UBASH3A: variants seen among roughly 807,000 people sequenced by gnomAD.
UBASH3A encodes the protein ubiquitin associated and SH3 domain containing A, also known as ubiquitin-associated and SH3 domain-containing protein A.
UBASH3A carries 63 observed loss-of-function variants against 73.5 expected under a neutral mutation model. The observed-to-expected ratio is 0.86, with a 90% CI of 0.70 to 1.06. The LOEUF is 1.06. Ranked by LOEUF, UBASH3A falls within the 50% of genes least tolerant of loss-of-function variation. The pLI, the probability that UBASH3A is intolerant of heterozygous loss-of-function variation, is 0.00. For missense variants in UBASH3A, 860 were observed against 859.0 expected, an observed-to-expected ratio of 1.00 and a Z score of -0.02; for synonymous variants, 363 against 351.1, an observed-to-expected ratio of 1.03 and a Z score of -0.38.
Position 42,440,171 on chromosome 21 carries a change from A to G in UBASH3A, c.1487-2281A>G, listed in dbSNP as rs150409974. On this transcript the variant is annotated intron_variant, in intron 11 of 14. Transcript: ENST00000319294. ...GCGATGTCCGCCTCTCCCTGTTCCC[A>G]TGCTCACAGCAGCAGGTCCAGCCTT... Among the ~76,000 whole-genome samples the G allele has an allele frequency of 7.6e-4, 116 of 152,294 alleles. 2 individuals are homozygous for G. The highest frequency in any genetic ancestry group is 4.6e-3 in the Admixed American group (70 of 15,300).
intron 6 of UBASH3A, among the ~76,000 whole-genome samples, chr21:42,416,979 C>A (rs2053225348): frequency 6.6e-6 from 1 of 151,924 alleles, no homozygotes; most frequent in Non-Finnish European, 1.5e-5. Context: ...AGCATGTACC[C>A]CCTGGAGCCC....
intron 6 of UBASH3A, 28 bp from the exon 7 acceptor site, chr21:42,418,373 A>G: frequency 6.3e-7 from 1 of 1,594,820 alleles, no homozygotes; most frequent in Non-Finnish European, 8.6e-7. Flanking sequence ...TTTGCTCGAG[A>G]CGTGAAACCC....
At position 42,411,245 on chromosome 21, in the gene UBASH3A, CAGAT is replaced by C. The variant is rs199743128; in HGVS notation, c.354+1641_354+1644del. Among the ~76,000 whole-genome samples, 1,361 of 151,996 alleles carry C rather than the reference CAGAT, an allele frequency of 9.0e-3. 19 individuals carry two copies. Among genetic ancestry groups the C allele is most frequent in the African/African-American group, 0.03 (1,261 of 41,412 alleles). On this transcript the variant is annotated intron_variant, in intron 3 of 14. Coordinates refer to ENST00000319294, the MANE Select transcript of UBASH3A (RefSeq NM_018961.4). ...GGATACAGACATACACAGACACACA[CAGAT>C]AGACACACATACACACTACATGTAC...
chr21:42,423,729 G>A (rs908006633), intron 7 of UBASH3A, among the ~76,000 whole-genome samples: 2 of 152,108 alleles, frequency 1.3e-5, no homozygotes, highest in African/African-American at 4.8e-5. Context: ...GACATTTCTG[G>A]GACTATTCTT....
intron 2 of UBASH3A, among the ~76,000 whole-genome samples, chr21:42,406,858 C>T (rs966303461): frequency 6.6e-5 from 10 of 152,198 alleles, no homozygotes; most frequent in African/African-American, 1.7e-4. Flanking sequence ...CAACTGCCTA[C>T]TACGATGGAT....
In UBASH3A at chr21:42,432,585, C is replaced by G. The variant is rs79382661; in HGVS notation, c.1270+383C>G. On this transcript the variant is annotated intron_variant, in intron 9 of 14. Coordinates refer to ENST00000319294, the MANE Select transcript of UBASH3A (RefSeq NM_018961.4). The stretch of plus-strand genomic sequence containing the variant: ...CAACCTCTGTATTGATGATCAATGT[C>G]CACATCAATGCTAATCTCCTAATAG... 9.1e-3 allele frequency among the ~76,000 whole-genome samples: 1,385 copies of G among 152,292 alleles called. 20 individuals carry two copies. Among genetic ancestry groups the G allele is most frequent in the African/African-American group, 0.031 (1,272 of 41,556 alleles).
intron 3 of UBASH3A, chr21:42,410,052 T>G (rs563482872): frequency 1.4e-5 from 10 of 701,494 alleles, no homozygotes; most frequent in Non-Finnish European, 2.6e-5. Context: ...AAATGTGTGG[T>G]AAGTCAACTC....
intron 5 of UBASH3A, among the ~76,000 whole-genome samples, chr21:42,414,520 C>G (rs1568914239): frequency 6.6e-6 from 1 of 152,164 alleles, no homozygotes; most frequent in Admixed American, 6.5e-5. Flanking sequence ...GTTTGTCCAC[C>G]AGGAACTTGG....
chr21:42,447,423 G>A lies in UBASH3A; in HGVS notation c.*229G>A, dbSNP rs533425784. 1 of 476,660 alleles carries A rather than the reference G, an allele frequency of 2.1e-6. No individual in the cohort carries two copies. The highest frequency in any genetic ancestry group is 2.0e-5 in the African/African-American group (1 of 50,322). 29.5% of individuals were successfully genotyped at this position (476,660 alleles called of 1,614,324 possible). ...CAGCTGCGGGGAGCACAGGGCAGGTGGCTGGGTGAGGATGCCGCCCTGCAG... is the reference window on the plus strand; with the variant it reads ...CAGCTGCGGGGAGCACAGGGCAGGTAGCTGGGTGAGGATGCCGCCCTGCAG... On this transcript the variant is annotated 3_prime_UTR_variant, in exon 15 of 15. Coordinates refer to ENST00000319294, the MANE Select transcript of UBASH3A (RefSeq NM_018961.4).
chr21:42,438,705 G>A (rs2053672888), intron 11 of UBASH3A, among the ~76,000 whole-genome samples: 2 of 152,156 alleles, frequency 1.3e-5, no homozygotes, highest in African/African-American at 2.4e-5. Flanking sequence ...GGTGAGTGCA[G>A]GAGAAAGGAG....
At chr21:42,433,466 T>A (rs962006975) in intron 9 of UBASH3A, among the ~76,000 whole-genome samples, 1 of 152,216 alleles carries the variant, frequency 6.6e-6, no homozygotes, top group Non-Finnish European at 1.5e-5. Context: ...TCTGCTCCCA[T>A]CAGGACCTGA....
chr21:42,447,483 C>T lies in UBASH3A; in HGVS notation c.*289C>T. On this transcript the variant is annotated 3_prime_UTR_variant, in exon 15 of 15. Transcript: ENST00000319294. ...CGAGTGTCTGCAGCTGGGGACACAA[C>T]TGCCCGGGACTCTAACTTCCAGGAA... The T allele has an allele frequency of 3.4e-6, 1 of 296,002 alleles. No homozygotes were observed. Among genetic ancestry groups the T allele is most frequent in the Non-Finnish European group, 6.2e-6 (1 of 161,044 alleles). The allele number at this position is 296,002 out of a possible 1,614,324, so 18.3% of individuals were successfully genotyped here.
At chr21:42,422,734 G>T (rs971955498) in intron 7 of UBASH3A, among the ~76,000 whole-genome samples, 5 of 152,114 alleles carry the variant, frequency 3.3e-5, no homozygotes, top group Admixed American at 1.3e-4. Context: ...ATTGATAAAT[G>T]AAAAAAATAA....
intron 1 of UBASH3A, among the ~76,000 whole-genome samples, chr21:42,405,247 C>G (rs1471322401): frequency 2.0e-5 from 3 of 152,098 alleles, no homozygotes; most frequent in Admixed American, 6.5e-5. Flanking sequence ...AGGGCGGCCA[C>G]CGGGCACCGT....
Position 42,409,402 on chromosome 21 carries a change from C to A in UBASH3A, c.168-20C>A. ...TTTTTGTTGTGACAGTGGGTGATGC[C>A]GGCTTGCTCTCTGTTGCAGGCTGCA... On this transcript the variant is annotated intron_variant, in intron 2 of 14. Coordinates refer to ENST00000319294, the MANE Select transcript of UBASH3A (RefSeq NM_018961.4). 1.3e-6 allele frequency: 2 copies of A among 1,525,364 alleles called. No homozygotes were observed. The highest frequency in any genetic ancestry group is 1.3e-5 in the South Asian group (1 of 78,376). 94.5% of individuals were successfully genotyped at this position (1,525,364 alleles called of 1,614,324 possible).
At chr21:42,410,272 A>C in intron 3 of UBASH3A, 2 of 672,938 alleles carry the variant, frequency 3.0e-6, no homozygotes, top group East Asian at 5.4e-5. Flanking sequence ...ACAGACAGCC[A>C]CTGCTCTACT....
intron 7 of UBASH3A, among the ~76,000 whole-genome samples, 165 bp downstream of exon 7, chr21:42,418,774 G>A (rs902958890): frequency 5.3e-5 from 8 of 152,226 alleles, no homozygotes; most frequent in Middle Eastern, 3.4e-3. Flanking sequence ...ATCTTGGTTC[G>A]TCCCTGGTTT....
At chr21:42,409,268 G>A (rs1601555969) in intron 2 of UBASH3A, among the ~76,000 whole-genome samples, 154 bp from the exon 3 acceptor site, 1 of 152,236 alleles carries the variant, frequency 6.6e-6, no homozygotes, top group East Asian at 1.9e-4. Flanking sequence ...CAGTAGGATG[G>A]CTGTGAGATT....
At chr21:42,430,437 C>G (rs963427141) in intron 8 of UBASH3A, among the ~76,000 whole-genome samples, 3 of 152,182 alleles carry the variant, frequency 2.0e-5, no homozygotes, top group African/African-American at 7.2e-5. Flanking sequence ...CTCCTCACCT[C>G]TCTTCCTTAC....
Sources: allele counts gnomAD v4.1 joint callset (sites outside exome capture counted in the v4.1 genomes callset), GRCh38; gene constraint gnomAD v4.1.1; transcripts MANE v1.5; gene names NCBI Gene and HGNC (gene_info 2026-07-23, HGNC 2026-07-21).